The following OCA2 variants were observed in gnomAD, a reference collection of about 807,000 sequenced individuals.
OCA2 encodes the protein OCA2 melanosomal transmembrane protein.
In OCA2, 77 loss-of-function variants were observed where a neutral mutation model predicts 100.2. The ratio of observed to expected loss-of-function variants is 0.77; its 90% CI spans 0.64 to 0.93. The LOEUF (loss-of-function observed/expected upper bound fraction) is 0.93. Among genes scored for constraint, OCA2 ranks in the 40% least tolerant of loss-of-function variants. The probability of loss-of-function intolerance (pLI) is 0.00; values close to 1 mark genes in which losing one functional copy is unlikely to be tolerated. For missense variants in OCA2, 1,062 were observed against 1,089.1 expected, an observed-to-expected ratio of 0.98 and a Z score of 0.35; for synonymous variants, 432 against 439.2, an observed-to-expected ratio of 0.98 and a Z score of 0.21.
At chr15:27,791,092 AT>A (rs952478555) in intron 23 of OCA2, among the ~76,000 whole-genome samples, 19 of 149,476 alleles carry the variant, frequency 1.3e-4, no homozygotes, top group South Asian at 4.3e-4. Flanking sequence ...CCTGGCCCTG[AT>A]TTTTTTTTTA....
chr15:27,892,897 G>A (rs946084978), intron 19 of OCA2, among the ~76,000 whole-genome samples: 1 of 152,082 alleles, frequency 6.6e-6, no homozygotes, highest in African/African-American at 2.4e-5. Context: ...ATATATTTCA[G>A]ACATTAAAAT....
intron 3 of OCA2, among the ~76,000 whole-genome samples, chr15:28,028,890 TG>T (rs2042833626): frequency 6.6e-6 from 1 of 152,172 alleles, no homozygotes; most frequent in Non-Finnish European, 1.5e-5. Flanking sequence ...TTCATCATGT[TG>T]GCCAGGCTAG....
chr15:28,059,934 T>C (rs2043819960), intron 2 of OCA2, among the ~76,000 whole-genome samples: 1 of 152,222 alleles, frequency 6.6e-6, no homozygotes, highest in Admixed American at 6.5e-5. Flanking sequence ...CAAGCCAAAG[T>C]TCAGACTCCC....
chr15:27,935,224 G>A (rs946051159), intron 18 of OCA2, among the ~76,000 whole-genome samples: 1 of 152,190 alleles, frequency 6.6e-6, no homozygotes, highest in Non-Finnish European at 1.5e-5. Context: ...GATGAATACA[G>A]ATAAAAAGTA....
chr15:27,778,714 A>G (rs2151079454), intron 23 of OCA2, among the ~76,000 whole-genome samples: 1 of 152,324 alleles, frequency 6.6e-6, no homozygotes, highest in East Asian at 1.9e-4. Flanking sequence ...ACACAGAGGA[A>G]AAAGGAAACT....
chr15:27,899,032 C>A (rs1040791744), intron 19 of OCA2, among the ~76,000 whole-genome samples: 1 of 152,124 alleles, frequency 6.6e-6, no homozygotes, highest in Admixed American at 6.5e-5. Context: ...AAATCCCCAA[C>A]AAAATGTTAG....
intron 19 of OCA2, among the ~76,000 whole-genome samples, chr15:27,914,316 C>A (rs1053201898): frequency 1.9e-4 from 29 of 152,120 alleles, no homozygotes; most frequent in African/African-American, 7.0e-4. Flanking sequence ...TAAGGATGCC[C>A]TCTCTCACCA....
chr15:27,847,628 C>A (rs574664148), intron 22 of OCA2, among the ~76,000 whole-genome samples: 1 of 152,298 alleles, frequency 6.6e-6, no homozygotes, highest in South Asian at 2.1e-4. Context: ...ATGGGTCAGC[C>A]CTGGCAGGTT....
At chr15:28,084,949 G>C (rs972718306) in intron 1 of OCA2, among the ~76,000 whole-genome samples, 4 of 152,172 alleles carry the variant, frequency 2.6e-5, no homozygotes, top group African/African-American at 9.7e-5. Flanking sequence ...CCACCACTTT[G>C]CTGTATTCTG....
intron 19 of OCA2, among the ~76,000 whole-genome samples, chr15:27,912,977 C>G (rs2140271003): frequency 6.6e-6 from 1 of 152,292 alleles, no homozygotes; most frequent in South Asian, 2.1e-4. Flanking sequence ...AGCCTCAAAA[C>G]TGTCATGAGA....
intron 18 of OCA2, among the ~76,000 whole-genome samples, chr15:27,938,909 G>A (rs2140477844): frequency 6.6e-6 from 1 of 152,308 alleles, no homozygotes; most frequent in East Asian, 1.9e-4. Flanking sequence ...CAGGCTCATG[G>A]AGAAGACAGC....
At chr15:27,785,023 A>C (rs2032739395) in intron 23 of OCA2, among the ~76,000 whole-genome samples, 1 of 152,172 alleles carries the variant, frequency 6.6e-6, no homozygotes, top group Non-Finnish European at 1.5e-5. Context: ...CAAGCAAACA[A>C]ATCAAAACCA....
intron 9 of OCA2, among the ~76,000 whole-genome samples, chr15:28,004,622 ACT>A (rs2042034410): frequency 6.6e-6 from 1 of 151,736 alleles, no homozygotes; most frequent in Non-Finnish European, 1.5e-5. Flanking sequence ...GCAGTCACAC[ACT>A]GTGACACCCA....
At chr15:28,051,093 C>G (rs2043497324) in intron 2 of OCA2, among the ~76,000 whole-genome samples, 1 of 152,180 alleles carries the variant, frequency 6.6e-6, no homozygotes, top group Admixed American at 6.5e-5. Flanking sequence ...GCTGGGACCT[C>G]TGCAGGTCTT....
At chr15:27,972,871 T>TTTTTG (rs2040846522) in intron 14 of OCA2, among the ~76,000 whole-genome samples, 1 of 53,492 alleles carries the variant, frequency 1.9e-5, no homozygotes, top group African/African-American at 3.8e-5. Flanking sequence ...TTATTTTATT[T>TTTTTG]TATTTTATTT....
At chr15:27,945,562 G>A (rs2039804618) in intron 18 of OCA2, among the ~76,000 whole-genome samples, 1 of 152,150 alleles carries the variant, frequency 6.6e-6, no homozygotes, top group Non-Finnish European at 1.5e-5. Flanking sequence ...TGTCCTTGGA[G>A]CCTGTCAGCC....
chr15:27,733,966 C>A, the OCA2 span, among the ~76,000 whole-genome samples: 1 of 151,644 alleles, frequency 6.6e-6, no homozygotes. Flanking sequence ...TCAAGACCAG[C>A]CTGGCCAACA....
chr15:27,883,803 C>T (rs1052931731), intron 19 of OCA2, among the ~76,000 whole-genome samples: 1 of 152,170 alleles, frequency 6.6e-6, no homozygotes. Context: ...TGTGCTGATG[C>T]TTCTGCTCAT....
chr15:27,936,889 C>T (rs1042102587), intron 18 of OCA2, among the ~76,000 whole-genome samples: 15 of 152,110 alleles, frequency 9.9e-5, no homozygotes, highest in African/African-American at 3.6e-4. Flanking sequence ...TCAAGTGAGT[C>T]ATTTAAAAGA....
Sources: gnomAD v4.1 joint callset for allele counts (sites outside exome capture counted in the v4.1 genomes callset) on GRCh38, gnomAD v4.1.1 for gene constraint, MANE v1.5 for transcripts, NCBI Gene and HGNC (gene_info 2026-07-23, HGNC 2026-07-21) for gene names.